Variants in AMPD2 observed in about 807,000 individuals in gnomAD.
AMPD2 encodes the protein AMP deaminase 2.
In AMPD2, 52 loss-of-function variants were observed where a neutral mutation model predicts 91.3. That is an observed-to-expected ratio of 0.57 (90% CI 0.46 to 0.72). AMPD2 has a LOEUF of 0.72. Among genes scored for constraint, AMPD2 ranks in the 30% least tolerant of loss-of-function variants. The pLI is 0.00. For missense variants in AMPD2, 822 were observed against 1,122.3 expected, an observed-to-expected ratio of 0.73 and a Z score of 3.82; for synonymous variants, 455 against 456.4, an observed-to-expected ratio of 1.00 and a Z score of 0.04.
chr1:109,621,353 C>A, intron 2 of AMPD2, 87 bp downstream of exon 2: 1 of 1,428,240 alleles, frequency 7.0e-7, no homozygotes, highest in Non-Finnish European at 9.7e-7. Flanking sequence ...TCAGAGGGGG[C>A]CACCTCCTCC....
At position 109,630,426 on chromosome 1, in the gene AMPD2, C is replaced by CCAGG; in HGVS notation, c.2157+22_2157+25dup. 1 of 1,384,144 alleles carries CCAGG rather than the reference C, an allele frequency of 7.2e-7. No individual in the cohort carries two copies. Among genetic ancestry groups the CCAGG allele is most frequent in the African/African-American group, 1.5e-5 (1 of 66,118 alleles). 85.7% of individuals were successfully genotyped at this position (1,384,144 alleles called of 1,614,324 possible). ...ACCAAGGTCAGAGCCCAGCAGGCAG[C>CCAGG]CAGGCGGGCGGGCGTCCCAGGACGC... is the stretch of plus-strand genomic sequence containing the variant. On this transcript the variant is annotated intron_variant, in intron 17 of 18. Transcript: ENST00000528667.
At chr1:109,630,575 TG>T (rs1651139692) in intron 17 of AMPD2, 107 bp from the exon 18 acceptor site, 2 of 132,724 alleles carry the variant, frequency 1.5e-5, no homozygotes, top group Non-Finnish European at 2.1e-5. Flanking sequence ...GTTGGGGGGT[TG>T]GGGGGATGGG....
Position 109,631,388 on chromosome 1 carries a change from G to C in AMPD2, c.*236G>C. 1 of 580,546 alleles carries C rather than the reference G, an allele frequency of 1.7e-6. No homozygotes were observed. Among genetic ancestry groups the C allele is most frequent in the Non-Finnish European group, 3.1e-6 (1 of 325,878 alleles). 36.0% of individuals were successfully genotyped at this position (580,546 alleles called of 1,614,324 possible). A position where few individuals can be genotyped will look rare whatever the true frequency, so the allele number is the denominator to read the frequency against. ...GGCCCAGGTATTGAGGGCCTCCCCT[G>C]CTGGTGGCCCTGTCCTGGGATCCTC... On this transcript the variant is annotated 3_prime_UTR_variant, in exon 19 of 19. Coordinates refer to ENST00000528667, the MANE Select transcript of AMPD2 (RefSeq NM_001368809.2).
At position 109,624,008 on chromosome 1, in the gene AMPD2, T is replaced by C. The variant is rs1287986805; in HGVS notation, c.92-1295T>C. On this transcript the variant is annotated intron_variant, in intron 2 of 18. Coordinates refer to ENST00000528667, the MANE Select transcript of AMPD2 (RefSeq NM_001368809.2). This position sits in a 1 kb window ranked among gnomAD's most constrained non-coding sequence, Gnocchi z 5.2. ...ACTTGGTACAGCCTGTGCCAGCCCC[T>C]GAGGGACCGGCTGCAGCTTCACTGG... 2 of 985,566 alleles carry C rather than the reference T, an allele frequency of 2.0e-6. No homozygotes were observed. The highest frequency in any genetic ancestry group is 5.2e-4 in the Middle Eastern group (1 of 1,936). 61.1% of individuals were successfully genotyped at this position (985,566 alleles called of 1,614,324 possible).
intron 9 of AMPD2, 30 bp downstream of exon 9, chr1:109,627,548 C>T (rs1165173498): frequency 1.2e-6 from 2 of 1,611,146 alleles, no homozygotes; most frequent in Non-Finnish European, 1.7e-6. Context: ...AGACACTTAG[C>T]TCCCCTCCCA....
rs760610517 is a variant in AMPD2 at position 109,629,427 on chromosome 1, C to T, written c.1799C>T (p.Pro600Leu). 1.2e-6 allele frequency: 2 copies of T among 1,614,086 alleles called. No homozygotes were observed. Among genetic ancestry groups the T allele is most frequent in the East Asian group, 2.2e-5 (1 of 44,876 alleles). Residue 600 changes from proline to leucine, a missense_variant, in exon 15 of 19, where the codon CCA becomes CTA. Pro to Leu is a moderately conservative substitution (Grantham distance 98). Coordinates refer to ENST00000528667, the MANE Select transcript of AMPD2 (RefSeq NM_001368809.2). The stretch of plus-strand genomic sequence containing the variant: ...GAGGCGTGGGTGGAGGAGGACAACC[C>T]ACCCTATGCCTACTACCTGTACTAC... ...LPEAWVEEDNPPYAYYLYYTF... is the reference protein window; with the variant it reads ...LPEAWVEEDNLPYAYYLYYTF...
intron 9 of AMPD2, 71 bp from the exon 10 acceptor site, chr1:109,627,703 C>G: frequency 6.3e-7 from 1 of 1,591,164 alleles, no homozygotes; most frequent in Non-Finnish European, 8.6e-7. Context: ...TCCCTCTGAT[C>G]TGCTACCCAA....
At chr1:109,626,520 G>T in intron 6 of AMPD2, 93 bp downstream of exon 6, 9 of 1,379,720 alleles carry the variant, frequency 6.5e-6, no homozygotes, top group Non-Finnish European at 8.8e-6. Flanking sequence ...GCTGGAAAGG[G>T]CGTTTCTCTT....
chr1:109,627,366 T>A (rs1371194849), intron 8 of AMPD2, 50 bp downstream of exon 8: 1 of 1,613,086 alleles, frequency 6.2e-7, no homozygotes, highest in East Asian at 2.2e-5. Flanking sequence ...GGAGGTTGCG[T>A]TGGCTTGGGA....
intron 2 of AMPD2, among the ~76,000 whole-genome samples, chr1:109,623,145 C>T (rs1334714184): frequency 6.6e-6 from 1 of 152,128 alleles, no homozygotes; most frequent in Non-Finnish European, 1.5e-5. Context: ...CCCAGGAGTT[C>T]ATAATTGCAG....
rs1374454690 is a variant in AMPD2 at position 109,628,823 on chromosome 1, T to C, written c.1571+17T>C. 1.3e-6 allele frequency: 2 copies of C among 1,550,450 alleles called. No individual in the cohort carries two copies. Among genetic ancestry groups the C allele is most frequent in the Non-Finnish European group, 1.7e-6 (2 of 1,145,862 alleles). On this transcript the variant is annotated intron_variant, in intron 13 of 18. Coordinates refer to ENST00000528667, the MANE Select transcript of AMPD2 (RefSeq NM_001368809.2). The surrounding 1 kb of genome is among the most constrained non-coding windows in gnomAD (Gnocchi z 7.1). The stretch of plus-strand genomic sequence containing the variant: ...CCGCCTCTTGTGAGTGTCCCTGGAG[T>C]GGGAGGGGAACCTGCGGGGTCATAT...
Position 109,624,705 on chromosome 1 carries a change from C to T in AMPD2, c.92-598C>T, listed in dbSNP as rs969143408. Among the ~76,000 whole-genome samples, 6 of 152,338 alleles carry T rather than the reference C, an allele frequency of 3.9e-5. No individual in the cohort carries two copies. Among genetic ancestry groups the T allele is most frequent in the Non-Finnish European group, 8.8e-5 (6 of 68,022 alleles). On this transcript the variant is annotated intron_variant, in intron 2 of 18. Transcript: ENST00000528667. The surrounding 1 kb of genome is among the most constrained non-coding windows in gnomAD (Gnocchi z 5.2). Reference sequence around the variant, plus strand: ...AGGCCCTCCACTTCCTCTCCTCTTCCCTTGAGGGCTCGTCCCTAGGTCAGA... The same window carrying T: ...AGGCCCTCCACTTCCTCTCCTCTTCTCTTGAGGGCTCGTCCCTAGGTCAGA...
chr1:109,620,740 T>G (rs1650176092), intron 1 of AMPD2, 174 bp from the exon 2 acceptor site: 1 of 1,244,492 alleles, frequency 8.0e-7, no homozygotes, highest in East Asian at 3.4e-5. Flanking sequence ...AATTCCTGTT[T>G]GTTATTCTTT....
At position 109,625,065 on chromosome 1, in the gene AMPD2, TA is replaced by T. The variant is rs1027236052; in HGVS notation, c.92-237del. Among the ~76,000 whole-genome samples the T allele has an allele frequency of 2.0e-5, 3 of 152,088 alleles. No individual in the cohort carries two copies. The highest frequency in any genetic ancestry group is 7.2e-5 in the African/African-American group (3 of 41,404). Reference sequence around the variant, plus strand: ...GTGGAGGTAATGAATCTACTTGTTCTAGGGGCAGACTCAGAATCCCCACCCC... The same window carrying T: ...GTGGAGGTAATGAATCTACTTGTTCTGGGGCAGACTCAGAATCCCCACCCC... On this transcript the variant is annotated intron_variant, in intron 2 of 18. Coordinates refer to ENST00000528667, the MANE Select transcript of AMPD2 (RefSeq NM_001368809.2). This position sits in a 1 kb window ranked among gnomAD's most constrained non-coding sequence, Gnocchi z 4.0.
rs1444724472 is a variant in AMPD2, at chr1:109,630,981, A to G, written c.2307A>G (p.Glu769=). The change falls in exon 19 of 19, where the codon GAA becomes GAG. Residue 769 remains glutamate (E), a synonymous_variant. Transcript: ENST00000528667. ...SHWLGPNYTK[E]GPEGNDIRRT... ...GGCTGGGACCCAACTATACCAAGGA[A>G]GGCCCTGAGGGGAATGACATCCGCC... The G allele has an allele frequency of 6.2e-7, 1 of 1,614,164 alleles. No individual in the cohort carries two copies.
Position 109,624,715 on chromosome 1 carries a change from T to A in AMPD2, c.92-588T>A, listed in dbSNP as rs1469241531. Among the ~76,000 whole-genome samples, 2 of 152,204 alleles carry A rather than the reference T, an allele frequency of 1.3e-5. No individual in the cohort carries two copies. Among genetic ancestry groups the A allele is most frequent in the African/African-American group, 2.4e-5 (1 of 41,454 alleles). ...CTTCCTCTCCTCTTCCCTTGAGGGC[T>A]CGTCCCTAGGTCAGAGCTGAGCAGC... On this transcript the variant is annotated intron_variant, in intron 2 of 18. Transcript: ENST00000528667. The surrounding 1 kb of genome is among the most constrained non-coding windows in gnomAD (Gnocchi z 5.2).
Position 109,623,118 on chromosome 1 carries a change from G to A in AMPD2, c.91+1852G>A, listed in dbSNP as rs114062498. Among the ~76,000 whole-genome samples, 886 of 152,298 alleles carry A rather than the reference G, an allele frequency of 5.8e-3. 8 individuals carry two copies. The highest frequency in any genetic ancestry group is 0.021 in the African/African-American group (859 of 41,558). On this transcript the variant is annotated intron_variant, in intron 2 of 18. Transcript: ENST00000528667. Reference sequence around the variant, plus strand: ...TCCTCAGTGGGCGGGGCTACAGGTAGAATGTATTTTGAGGGTCCCAGGAGT... The same window carrying A: ...TCCTCAGTGGGCGGGGCTACAGGTAAAATGTATTTTGAGGGTCCCAGGAGT...
At position 109,627,247 on chromosome 1, in the gene AMPD2, A is replaced by T. The variant is rs1292668631; in HGVS notation, c.791A>T (p.Asp264Val). The change falls in exon 8 of 19, where the codon GAC becomes GTC. Residue 264 changes from aspartate to valine, a missense_variant. Physicochemically the swap from Asp to Val is radical, Grantham distance 152. This residue lies in a region of AMPD2 where 240 missense variants were observed against 270.3 expected (regional missense o/e 0.89). Coordinates refer to ENST00000528667, the MANE Select transcript of AMPD2 (RefSeq NM_001368809.2). ...TGTGAGCCAAGCACCATGCCTGGGGACCTGGGCTTGGGTCTGCGCATGGTG... is the reference window on the plus strand; with the variant it reads ...TGTGAGCCAAGCACCATGCCTGGGGTCCTGGGCTTGGGTCTGCGCATGGTG... Reference protein sequence around the residue: ...EHCEPSTMPGDLGLGLRMVRG... With the variant: ...EHCEPSTMPGVLGLGLRMVRG... The T allele has an allele frequency of 6.2e-7, 1 of 1,612,166 alleles. No individual in the cohort carries two copies.
rs772597060 is a variant in AMPD2, at chr1:109,627,191, C to T, written c.735C>T (p.Pro245=). 9 of 1,613,382 alleles carry T rather than the reference C, an allele frequency of 5.6e-6. No homozygotes were observed. In the East Asian group the frequency reaches 1.6e-4, roughly 28 times the overall value. Residue 245 remains proline (P), a synonymous_variant, in exon 8 of 19, where the codon CCC becomes CCT. Transcript: ENST00000528667. ...TPVSADAPVH[P]PALEQHPYEH... ...CCCCTGCAGATGCCCCGGTGCACCC[C>T]CCTGCGCTGGAGCAGCACCCGTATG...
Sources: allele counts gnomAD v4.1 joint callset (sites outside exome capture counted in the v4.1 genomes callset), GRCh38; gene constraint gnomAD v4.1.1; regional missense constraint gnomAD v4.1.1; non-coding constraint Gnocchi (gnomAD v3.1); transcripts MANE v1.5; gene names NCBI Gene and HGNC (gene_info 2026-07-23, HGNC 2026-07-21).